ACTR3B: variants seen among roughly 807,000 people sequenced by gnomAD.
ACTR3B encodes the protein actin related protein 3B.
ACTR3B carries 8 observed loss-of-function variants against 59.0 expected under a neutral mutation model. That is an observed-to-expected ratio of 0.14 (90% CI 0.08 to 0.24). ACTR3B has a LOEUF of 0.24. ACTR3B is among the 10% of genes least tolerant of loss of function. The pLI is 1.00. For missense variants in ACTR3B, 245 were observed against 552.3 expected (o/e 0.44, Z 5.58); for synonymous variants, 148 against 197.9 (o/e 0.75, Z 2.12).
At position 152,848,839 on chromosome 7, in the gene ACTR3B, G is replaced by A. The variant is rs575792984; in HGVS notation, c.952-3287G>A. Among the ~76,000 whole-genome samples, 14 of 152,272 alleles carry A rather than the reference G, an allele frequency of 9.2e-5. No homozygotes were observed. The East Asian group carries it at 1.9e-3, about 21-fold the overall frequency. ...CGTGATTTCCAGCTGCCACCCCCCC[G>A]TAGCTGCAGCTGTGGTTGATGGTCC... On this transcript the variant is annotated intron_variant, in intron 9 of 11. Coordinates refer to ENST00000256001, the MANE Select transcript of ACTR3B (RefSeq NM_020445.6).
chr7:152,792,715 T>G (rs954668184), intron 2 of ACTR3B, among the ~76,000 whole-genome samples: 24 of 152,154 alleles, frequency 1.6e-4, no homozygotes, highest in African/African-American at 5.8e-4. Flanking sequence ...GCCACTGCAC[T>G]CCAGCCTGGG....
chr7:152,853,575 A>G lies in ACTR3B; in HGVS notation c.1159A>G (p.Thr387Ala). Residue 387 changes from threonine (T) to alanine (A), a missense_variant and splice_region_variant, in exon 11 of 12, where the codon ACT becomes GCT. Physicochemically the swap from Thr to Ala is moderately conservative, Grantham distance 58 (BLOSUM62 0). Transcript: ENST00000256001. ...VWFGGSMLASTPEFFQVCHTK... is the reference protein window; with the variant it reads ...VWFGGSMLASAPEFFQVCHTK... ...GTTCGGAGGCTCCATGCTGGCCTCG[A>G]CTGTAAGTCCCTCTCTCGAGGGCTC... 6.2e-7 allele frequency: 1 copy of G among 1,613,242 alleles called. No homozygotes were observed. Among genetic ancestry groups the G allele is most frequent in the Non-Finnish European group, 8.5e-7 (1 of 1,179,652 alleles).
intron 2 of ACTR3B, among the ~76,000 whole-genome samples, chr7:152,792,928 A>T (rs1260148226): frequency 1.3e-5 from 2 of 150,798 alleles, no homozygotes; most frequent in African/African-American, 4.9e-5. Flanking sequence ...AGAATTCTGG[A>T]TGGACAGTTC....
intron 1 of ACTR3B, among the ~76,000 whole-genome samples, chr7:152,764,699 G>A (rs1346988119): frequency 6.6e-6 from 1 of 151,542 alleles, no homozygotes; most frequent in African/African-American, 2.4e-5. Flanking sequence ...TTTTTTGCCT[G>A]AGTATCTGTG....
intron 9 of ACTR3B, among the ~76,000 whole-genome samples, chr7:152,843,825 A>G (rs928505742): frequency 3.3e-5 from 5 of 152,244 alleles, no homozygotes; most frequent in Admixed American, 3.3e-4. Context: ...GTACTGTGGT[A>G]ACGTAAAAGA....
intron 6 of ACTR3B, among the ~76,000 whole-genome samples, chr7:152,819,555 C>G (rs1268702707): frequency 6.6e-6 from 1 of 152,190 alleles, no homozygotes; most frequent in East Asian, 1.9e-4. Context: ...TTGGGCCCAT[C>G]ATTGCTGTGG....
At chr7:152,791,158 G>A (rs1225733510) in intron 2 of ACTR3B, among the ~76,000 whole-genome samples, 1 of 151,768 alleles carries the variant, frequency 6.6e-6, no homozygotes, top group Non-Finnish European at 1.5e-5. Context: ...TTACTGACGT[G>A]TGCCACCATG....
intron 9 of ACTR3B, among the ~76,000 whole-genome samples, chr7:152,843,217 T>C (rs975559681): frequency 2.0e-5 from 3 of 152,228 alleles, no homozygotes; most frequent in African/African-American, 7.2e-5. Flanking sequence ...TTTTCTTTTA[T>C]GGTTCATGCT....
chr7:152,826,035 C>T lies in ACTR3B; in HGVS notation c.951+913C>T, dbSNP rs956893326. Among the ~76,000 whole-genome samples the T allele has an allele frequency of 9.1e-4, 139 of 152,202 alleles. 2 individuals are homozygous for T. The highest frequency in any genetic ancestry group is 3.0e-3 in the African/African-American group (123 of 41,540). On this transcript the variant is annotated intron_variant, in intron 9 of 11. Coordinates refer to ENST00000256001, the MANE Select transcript of ACTR3B (RefSeq NM_020445.6). ...AATCAGTCTTTGCTTGAGTGAGTCGCGCCGTCAGCTCAGTGGCATGACTCA... is the reference window on the plus strand; with the variant it reads ...AATCAGTCTTTGCTTGAGTGAGTCGTGCCGTCAGCTCAGTGGCATGACTCA...
intron 4 of ACTR3B, among the ~76,000 whole-genome samples, chr7:152,808,133 G>T (rs1195572306): frequency 6.6e-6 from 1 of 152,038 alleles, no homozygotes; most frequent in Admixed American, 6.6e-5. Flanking sequence ...TATAGTATTT[G>T]TCCTTTTGTG....
intron 9 of ACTR3B, among the ~76,000 whole-genome samples, chr7:152,830,246 G>A (rs1261699563): frequency 2.0e-5 from 3 of 152,136 alleles, no homozygotes; most frequent in Non-Finnish European, 4.4e-5. Context: ...AGATGCCTGC[G>A]GTGCCTGTTT....
At chr7:152,847,736 G>C (rs532278247) in intron 9 of ACTR3B, among the ~76,000 whole-genome samples, 8 of 152,308 alleles carry the variant, frequency 5.3e-5, no homozygotes, top group South Asian at 4.1e-4. Context: ...TCGTGGCTCT[G>C]AGCTGCTCAG....
At chr7:152,784,802 C>G (rs2098166189) in intron 2 of ACTR3B, among the ~76,000 whole-genome samples, 1 of 151,966 alleles carries the variant, frequency 6.6e-6, no homozygotes, top group African/African-American at 2.4e-5. Flanking sequence ...GCTGGTGTCT[C>G]TTTCTCTGCT....
intron 1 of ACTR3B, among the ~76,000 whole-genome samples, chr7:152,776,897 TC>T (rs2098137417): frequency 6.6e-6 from 1 of 152,220 alleles, no homozygotes; most frequent in Non-Finnish European, 1.5e-5. Flanking sequence ...GTATACATCT[TC>T]ATTTTTGATG....
intron 1 of ACTR3B, among the ~76,000 whole-genome samples, chr7:152,769,060 C>G (rs1162878052): frequency 6.6e-6 from 1 of 151,888 alleles, no homozygotes; most frequent in Non-Finnish European, 1.5e-5. Flanking sequence ...TCCATGTTGG[C>G]TAGGCTGGTC....
intron 2 of ACTR3B, among the ~76,000 whole-genome samples, chr7:152,791,113 A>G (rs1432642524): frequency 2.0e-5 from 3 of 151,422 alleles, no homozygotes; most frequent in Non-Finnish European, 4.4e-5. Flanking sequence ...TCCTGGGTTC[A>G]AGCAATTCTG....
intron 2 of ACTR3B, among the ~76,000 whole-genome samples, chr7:152,784,082 C>T (rs1341622667): frequency 6.7e-6 from 1 of 150,204 alleles, no homozygotes; most frequent in Non-Finnish European, 1.5e-5. Flanking sequence ...AAGAGTGAAA[C>T]TCCGTCTCAA....
At chr7:152,786,303 A>G (rs2098173664) in intron 2 of ACTR3B, 1 of 166,826 alleles carries the variant, frequency 6.0e-6, no homozygotes, top group African/African-American at 2.7e-5. Flanking sequence ...CTGTAATCCT[A>G]ACACTTTGGG....
intron 1 of ACTR3B, among the ~76,000 whole-genome samples, chr7:152,768,271 C>T (rs1049013888): frequency 1.3e-5 from 2 of 152,186 alleles, no homozygotes; most frequent in Non-Finnish European, 2.9e-5. Context: ...TGTTTTACCT[C>T]TTCCTTTCCA....
Sources: gnomAD v4.1 joint callset for allele counts (sites outside exome capture counted in the v4.1 genomes callset) on GRCh38, gnomAD v4.1.1 for gene constraint, MANE v1.5 for transcripts, NCBI Gene and HGNC (gene_info 2026-07-23, HGNC 2026-07-21) for gene names.